The following ADGRG6 variants were observed in gnomAD, a reference collection of about 807,000 sequenced individuals.
ADGRG6 encodes G-protein coupled receptor 126.
A neutral mutation model predicts 142.4 loss-of-function variants in ADGRG6; 84 were observed. The observed-to-expected ratio is 0.59, with a 90% CI of 0.49 to 0.71. The LOEUF (loss-of-function observed/expected upper bound fraction) is 0.71, where lower values mean the gene tolerates loss of function less well. ADGRG6 is among the 30% of genes least tolerant of loss of function. The pLI is 0.00. For synonymous variants in ADGRG6, 521 were observed against 520.5 expected, an observed-to-expected ratio of 1.00 and a Z score of -0.01; for missense variants, 1,367 against 1,466.6, an observed-to-expected ratio of 0.93 and a Z score of 1.11.
At chr6:142,436,548 A>G (rs1237460131) in intron 22 of ADGRG6, among the ~76,000 whole-genome samples, 1 of 152,142 alleles carries the variant, frequency 6.6e-6, no homozygotes, top group Admixed American at 6.6e-5. Flanking sequence ...AACCATTTCA[A>G]GAAGTTTTAT....
intron 2 of ADGRG6, among the ~76,000 whole-genome samples, chr6:142,340,100 T>A (rs1352557378): frequency 6.6e-6 from 1 of 152,140 alleles, no homozygotes; most frequent in African/African-American, 2.4e-5. Flanking sequence ...ATAGCTTATA[T>A]GCACAGTAGA....
chr6:142,363,515 G>A (rs1780814643), intron 2 of ADGRG6, among the ~76,000 whole-genome samples: 1 of 152,168 alleles, frequency 6.6e-6, no homozygotes, highest in Non-Finnish European at 1.5e-5. Context: ...GCATAGGCAA[G>A]AACTGAGGGT....
Position 142,416,040 on chromosome 6 carries a change from C to G in ADGRG6, c.2914C>G (p.Leu972Val). Residue 972 changes from leucine (L) to valine (V), a missense_variant, in exon 20 of 25, where the codon CTA becomes GTA. Leu to Val is a conservative substitution (Grantham distance 32, BLOSUM62 1). Coordinates refer to ENST00000367609, the MANE Select transcript of ADGRG6 (RefSeq NM_198569.3). Reference protein sequence around the residue: ...VFNTYIRRYILKFCIIGWGLP... With the variant: ...VFNTYIRRYIVKFCIIGWGLP... ...TAACACTTACATTCGCCGATACATT[C>G]TAAAATTCTGCATCATTGGCTGGGG... is the stretch of plus-strand genomic sequence containing the variant. 6.2e-7 allele frequency: 1 copy of G among 1,612,504 alleles called. No homozygotes were observed. The highest frequency in any genetic ancestry group is 1.1e-5 in the South Asian group (1 of 91,012).
At chr6:142,374,242 A>T (rs1781392182) in intron 4 of ADGRG6, among the ~76,000 whole-genome samples, 1 of 152,112 alleles carries the variant, frequency 6.6e-6, no homozygotes, top group African/African-American at 2.4e-5. Flanking sequence ...AGCACTAGAA[A>T]AGACCTGCTA....
chr6:142,372,624 A>G (rs1781313520), intron 4 of ADGRG6, among the ~76,000 whole-genome samples: 1 of 152,238 alleles, frequency 6.6e-6, no homozygotes, highest in South Asian at 2.1e-4. Context: ...AGGGAACTGC[A>G]GAGCTTTATA....
chr6:142,372,190 T>G (rs1410317422), intron 4 of ADGRG6, among the ~76,000 whole-genome samples: 1 of 152,200 alleles, frequency 6.6e-6, no homozygotes, highest in Non-Finnish European at 1.5e-5. Context: ...CTGGAAGCCT[T>G]TATTTTATTA....
chr6:142,304,713 C>T (rs1291352501), intron 1 of ADGRG6, among the ~76,000 whole-genome samples: 1 of 152,172 alleles, frequency 6.6e-6, no homozygotes, highest in Non-Finnish European at 1.5e-5. Context: ...TCAAAAGTTT[C>T]TACAGTCTAT....
chr6:142,329,721 T>C (rs1337201111), intron 2 of ADGRG6, among the ~76,000 whole-genome samples: 2 of 152,126 alleles, frequency 1.3e-5, no homozygotes, highest in South Asian at 2.1e-4. Flanking sequence ...ATTCCTGCCT[T>C]GAGGGTTTCT....
chr6:142,395,802 A>G (rs1481336436), intron 9 of ADGRG6, among the ~76,000 whole-genome samples: 1 of 152,170 alleles, frequency 6.6e-6, no homozygotes, highest in Non-Finnish European at 1.5e-5. Flanking sequence ...TGTCAAAACC[A>G]CAGTCTACTA....
intron 22 of ADGRG6, among the ~76,000 whole-genome samples, chr6:142,423,109 G>A (rs1362368050): frequency 4.1e-5 from 6 of 145,044 alleles, no homozygotes; most frequent in Non-Finnish European, 6.1e-5. Context: ...CTCCCATTTT[G>A]TAGGTTGCCT....
intron 1 of ADGRG6, 87 bp from the exon 2 acceptor site, chr6:142,309,457 C>T (rs897174107): frequency 1.1e-5 from 9 of 843,474 alleles, no homozygotes; most frequent in Admixed American, 2.7e-5. Flanking sequence ...TTTCCAGTCC[C>T]TACTGGAAAC....
intron 2 of ADGRG6, among the ~76,000 whole-genome samples, chr6:142,350,505 G>A (rs1780120625): frequency 6.6e-6 from 1 of 152,180 alleles, no homozygotes; most frequent in African/African-American, 2.4e-5. Flanking sequence ...GGTACATGAT[G>A]CACCTGTGTG....
At chr6:142,307,524 C>A (rs1002549281) in intron 1 of ADGRG6, among the ~76,000 whole-genome samples, 3 of 151,946 alleles carry the variant, frequency 2.0e-5, no homozygotes, top group Non-Finnish European at 4.4e-5. Flanking sequence ...TGTCACCTAC[C>A]GTTTTAAAAG....
chr6:142,336,033 A>G (rs1008977052), intron 2 of ADGRG6, among the ~76,000 whole-genome samples: 3 of 152,194 alleles, frequency 2.0e-5, no homozygotes, highest in Admixed American at 1.3e-4. Flanking sequence ...GTAAAATTAC[A>G]TTAGTCAAAG....
intron 6 of ADGRG6, among the ~76,000 whole-genome samples, chr6:142,389,505 G>A (rs1192244906): frequency 6.6e-6 from 1 of 151,872 alleles, no homozygotes; most frequent in Non-Finnish European, 1.5e-5. Flanking sequence ...ACCCTTGCTG[G>A]TGAGTTTGAT....
At chr6:142,366,752 C>CAAA (rs35575976) in intron 2 of ADGRG6, among the ~76,000 whole-genome samples, 33 of 121,428 alleles carry the variant, frequency 2.7e-4, no homozygotes, top group Admixed American at 8.6e-4. Context: ...GAGACTGTCT[C>CAAA]AAAAAAAAAA....
At chr6:142,397,558 A>G in intron 9 of ADGRG6, 55 bp from the exon 10 acceptor site, 1 of 1,554,268 alleles carries the variant, frequency 6.4e-7, no homozygotes, top group Non-Finnish European at 8.8e-7. Context: ...TCTCCTACCA[A>G]ATGACAAGCA....
intron 2 of ADGRG6, among the ~76,000 whole-genome samples, chr6:142,341,526 ATAGT>A (rs1779638046): frequency 8.4e-6 from 1 of 119,232 alleles, no homozygotes; most frequent in African/African-American, 3.3e-5. Context: ...ATAATATTAT[ATAGT>A]ATATATAGTA....
chr6:142,439,444 T>C (rs1323597411), intron 24 of ADGRG6, among the ~76,000 whole-genome samples: 2 of 152,254 alleles, frequency 1.3e-5, no homozygotes, highest in African/African-American at 4.8e-5. Context: ...GTGATGTGTC[T>C]GTAATTATTC....
Sources: allele counts gnomAD v4.1 joint callset (sites outside exome capture counted in the v4.1 genomes callset), GRCh38; gene constraint gnomAD v4.1.1; transcripts MANE v1.5; gene names NCBI Gene and HGNC (gene_info 2026-07-23, HGNC 2026-07-21).